PARVA: variants seen among roughly 807,000 people sequenced by gnomAD.
The protein encoded by PARVA is parvin alpha, also known as alpha-parvin.
A neutral mutation model predicts 52.6 loss-of-function variants in PARVA; 25 were observed. That is an observed-to-expected ratio of 0.48 (90% CI 0.35 to 0.66). The LOEUF is 0.66. Among genes scored for constraint, PARVA ranks in the 30% least tolerant of loss-of-function variants. The pLI is 0.01. For missense variants in PARVA, 373 were observed against 450.9 expected (o/e 0.83, Z 1.56); for synonymous variants, 185 against 179.1 (o/e 1.03, Z -0.26).
intron 1 of PARVA, among the ~76,000 whole-genome samples, chr11:12,469,186 A>T (rs891970971): frequency 1.3e-5 from 2 of 152,114 alleles, no homozygotes; most frequent in African/African-American, 4.8e-5. Context: ...CACAGCTGAT[A>T]AAAATAGAAG....
At chr11:12,453,568 A>G (rs1174933239) in intron 1 of PARVA, among the ~76,000 whole-genome samples, 2 of 152,194 alleles carry the variant, frequency 1.3e-5, no homozygotes, top group Non-Finnish European at 2.9e-5. Context: ...AGGCCTTTCC[A>G]ATTCTCCCAC....
chr11:12,383,893 G>T (rs11022333), intron 1 of PARVA, among the ~76,000 whole-genome samples: 9,060 of 152,088 alleles, frequency 0.06, 455 homozygotes, highest in African/African-American at 0.12. Context: ...CAAGGGGCAC[G>T]CCTTGAACAA....
chr11:12,494,464 A>T (rs1191478111), intron 4 of PARVA, among the ~76,000 whole-genome samples: 3 of 152,214 alleles, frequency 2.0e-5, no homozygotes, highest in Non-Finnish European at 4.4e-5. Context: ...GGGGCTTGTT[A>T]TGAATAACAA....
chr11:12,489,330 A>G (rs1441275523), intron 4 of PARVA, among the ~76,000 whole-genome samples: 1 of 152,168 alleles, frequency 6.6e-6, no homozygotes, highest in Non-Finnish European at 1.5e-5. Context: ...ACTTCTAGAA[A>G]TGAAAAAGTG....
chr11:12,451,344 A>G (rs1265929848), intron 1 of PARVA, among the ~76,000 whole-genome samples: 2 of 152,152 alleles, frequency 1.3e-5, no homozygotes, highest in Non-Finnish European at 2.9e-5. Flanking sequence ...CACCTTCGAA[A>G]GCCTTATGAC....
intron 1 of PARVA, among the ~76,000 whole-genome samples, chr11:12,426,558 TTC>T (rs1241355608): frequency 1.3e-5 from 2 of 152,224 alleles, no homozygotes; most frequent in African/African-American, 4.8e-5. Flanking sequence ...AATAAATATA[TTC>T]TCTCATTTAA....
chr11:12,468,153 TC>T (rs1299654324), intron 1 of PARVA, among the ~76,000 whole-genome samples: 2 of 152,220 alleles, frequency 1.3e-5, no homozygotes, highest in Non-Finnish European at 2.9e-5. Flanking sequence ...GCCCTGTGGC[TC>T]TCTCCTTACA....
rs764641351 is a variant in PARVA, at chr11:12,377,832, G to T, written c.136+49G>T. 4 of 1,413,620 alleles carry T rather than the reference G, an allele frequency of 2.8e-6. No individual in the cohort carries two copies. In the African/African-American group the frequency reaches 4.6e-5, roughly 16 times the overall value. 87.6% of individuals were successfully genotyped at this position (1,413,620 alleles called of 1,614,324 possible). ...GCGGGCGGTAGGAGCCGGGGGTGCCGTAGGGGCCGAGGGGCCGGGGCACTG... is the reference window on the plus strand; with the variant it reads ...GCGGGCGGTAGGAGCCGGGGGTGCCTTAGGGGCCGAGGGGCCGGGGCACTG... On this transcript the variant is annotated intron_variant, in intron 1 of 12. Transcript: ENST00000334956.
At chr11:12,420,698 C>T (rs1157615336) in intron 1 of PARVA, among the ~76,000 whole-genome samples, 1 of 152,136 alleles carries the variant, frequency 6.6e-6, no homozygotes, top group Admixed American at 6.5e-5. Context: ...TACTACATGC[C>T]AAACACTGTT....
At chr11:12,396,210 C>T (rs182289110) in intron 1 of PARVA, among the ~76,000 whole-genome samples, 99 of 150,970 alleles carry the variant, frequency 6.6e-4, no homozygotes, top group South Asian at 4.4e-3. Flanking sequence ...TTTCTTCATA[C>T]CAAAGTCTAA....
intron 4 of PARVA, 25 bp from the exon 5 acceptor site, chr11:12,496,433 T>A: frequency 6.3e-7 from 1 of 1,599,160 alleles, no homozygotes; most frequent in Non-Finnish European, 8.5e-7. Flanking sequence ...ATAACAGCTG[T>A]TCTCTTTTCC....
Position 12,532,274 on chromosome 11 carries a change from G to A in PARVA, c.*4349G>A, listed in dbSNP as rs910687937. ...AATGTTAGATGAAAAAAAAAGTCAC[G>A]TTTAAATATGTTTAGGAAACATGAG... On this transcript the variant is annotated 3_prime_UTR_variant, in exon 13 of 13. Coordinates refer to ENST00000334956, the MANE Select transcript of PARVA (RefSeq NM_018222.5). Among the ~76,000 whole-genome samples, 8 of 152,128 alleles carry A rather than the reference G, an allele frequency of 5.3e-5. No homozygotes were observed. The highest frequency in any genetic ancestry group is 3.8e-4 in the East Asian group (2 of 5,198).
At chr11:12,386,578 C>T (rs16911247) in intron 1 of PARVA, among the ~76,000 whole-genome samples, 9,127 of 152,182 alleles carry the variant, frequency 0.06, 468 homozygotes, top group African/African-American at 0.13. Flanking sequence ...AGCCCTCTTG[C>T]CTACCATAAT....
chr11:12,496,340 T>TTGAAAGAGTGCATGCA, intron 4 of PARVA, 118 bp from the exon 5 acceptor site: 4 of 394,018 alleles, frequency 1.0e-5, no homozygotes, highest in Non-Finnish European at 1.5e-5. Context: ...GTATCTATTG[T>TTGAAAGAGTGCATGCA]TGCAAGAGTG....
At chr11:12,511,825 C>G (rs1490659515) in intron 8 of PARVA, among the ~76,000 whole-genome samples, 1 of 152,170 alleles carries the variant, frequency 6.6e-6, no homozygotes, top group Non-Finnish European at 1.5e-5. Flanking sequence ...GATTACACCC[C>G]CTGGGACCCC....
chr11:12,404,122 A>G (rs1732287837), intron 1 of PARVA, among the ~76,000 whole-genome samples: 1 of 149,286 alleles, frequency 6.7e-6, no homozygotes, highest in African/African-American at 2.5e-5. Context: ...TTTTTTAATC[A>G]CTGAGAAATG....
rs557664421 is a variant in PARVA, at chr11:12,513,574, C to G, written c.798+214C>G. On this transcript the variant is annotated intron_variant, in intron 9 of 12. Coordinates refer to ENST00000334956, the MANE Select transcript of PARVA (RefSeq NM_018222.5). ...TTTCCCCTCCATCAGCATGAACAGC[C>G]TGTCTTCCCACCCAGGCTAACCCCA... The G allele has an allele frequency of 4.4e-6, 3 of 688,072 alleles. No homozygotes were observed. In the South Asian group the frequency reaches 4.5e-5, roughly 10 times the overall value. The allele number at this position is 688,072 out of a possible 1,614,324, so 42.6% of individuals were successfully genotyped here.
chr11:12,385,683 A>T (rs1939562712), intron 1 of PARVA, among the ~76,000 whole-genome samples: 1 of 152,240 alleles, frequency 6.6e-6, no homozygotes, highest in African/African-American at 2.4e-5. Context: ...CAATAGGTCA[A>T]TTAACAAGTG....
At chr11:12,496,354 G>A (rs1385727428) in intron 4 of PARVA, 104 bp from the exon 5 acceptor site, 2 of 1,166,066 alleles carry the variant, frequency 1.7e-6, no homozygotes, top group East Asian at 5.1e-5. Context: ...AAGAGTGCAT[G>A]CATGCATGAG....
Sources: allele counts gnomAD v4.1 joint callset (sites outside exome capture counted in the v4.1 genomes callset), GRCh38; gene constraint gnomAD v4.1.1; transcripts MANE v1.5; gene names NCBI Gene and HGNC (gene_info 2026-07-23, HGNC 2026-07-21).